ACTL6A: variants seen among roughly 807,000 people sequenced by gnomAD.
ACTL6A encodes the protein actin like 6A, also known as actin-like protein 6A.
Under a neutral mutation model 59.2 loss-of-function variants are expected in ACTL6A, and 5 were observed. That is an observed-to-expected ratio of 0.08 (90% CI 0.04 to 0.18). The LOEUF is 0.18. Among genes scored for constraint, ACTL6A ranks in the 10% least tolerant of loss-of-function variants. The probability of loss-of-function intolerance (pLI) is 1.00; values close to 1 mark genes in which losing one functional copy is unlikely to be tolerated. For missense variants in ACTL6A, 285 were observed against 526.9 expected, an observed-to-expected ratio of 0.54 and a Z score of 4.49; for synonymous variants, 154 against 171.8, an observed-to-expected ratio of 0.90 and a Z score of 0.81.
chr3:179,586,669 T>C (rs752559446), intron 13 of ACTL6A, 37 bp downstream of exon 13: 2 of 1,462,706 alleles, frequency 1.4e-6, no homozygotes, highest in South Asian at 2.5e-5. Context: ...ATATTCTTAC[T>C]GAATTATACT....
At chr3:179,583,931 A>T (rs1378164060) in intron 12 of ACTL6A, among the ~76,000 whole-genome samples, 1 of 152,246 alleles carries the variant, frequency 6.6e-6, no homozygotes, top group Non-Finnish European at 1.5e-5. Context: ...AACCATTTAC[A>T]AAAATACTAA....
In ACTL6A at chr3:179,573,280, A is replaced by G. The variant is rs576770962; in HGVS notation, c.278-89A>G. The G allele has an allele frequency of 1.2e-4, 99 of 820,192 alleles. No homozygotes were observed. In the African/African-American group the frequency reaches 1.6e-3, roughly 13 times the overall value. 50.8% of individuals were successfully genotyped at this position (820,192 alleles called of 1,614,324 possible). On this transcript the variant is annotated intron_variant, in intron 3 of 13. Coordinates refer to ENST00000429709, the MANE Select transcript of ACTL6A (RefSeq NM_004301.5). ...GTAGGTTCTGTATACTAAAGTATTA[A>G]TTGTTAAGTCATAGAAACAATTTCT...
At chr3:179,583,250 C>T (rs939396953) in intron 11 of ACTL6A, 103 bp from the exon 12 acceptor site, 36 of 886,660 alleles carry the variant, frequency 4.1e-5, no homozygotes, top group Middle Eastern at 6.9e-4. Flanking sequence ...TTCCAAAAAA[C>T]GAAAGGGAAA....
chr3:179,584,943 AAT>A (rs1250250586), intron 12 of ACTL6A, among the ~76,000 whole-genome samples: 1 of 152,210 alleles, frequency 6.6e-6, no homozygotes, highest in Non-Finnish European at 1.5e-5. Flanking sequence ...CATATAAAAT[AAT>A]GTTTTACGTG....
chr3:179,576,977 T>C, intron 8 of ACTL6A, 64 bp downstream of exon 8: 1 of 1,340,724 alleles, frequency 7.5e-7, no homozygotes, highest in Non-Finnish European at 1.0e-6. Flanking sequence ...TTAAAAAAAG[T>C]TATATATAGG....
chr3:179,563,789 C>G (rs75881057), intron 1 of ACTL6A, among the ~76,000 whole-genome samples: 3,407 of 152,232 alleles, frequency 0.022, 131 homozygotes, highest in African/African-American at 0.079. Context: ...TTTAAGGATG[C>G]CCAGAAAGTT....
rs934435790 is a variant in ACTL6A at position 179,570,660 on chromosome 3, T to A, written c.277+419T>A. Among the ~76,000 whole-genome samples the A allele has an allele frequency of 6.6e-6, 1 of 152,178 alleles. No homozygotes were observed. The highest frequency in any genetic ancestry group is 2.4e-5 in the African/African-American group (1 of 41,438). On this transcript the variant is annotated intron_variant, in intron 3 of 13. Coordinates refer to ENST00000429709, the MANE Select transcript of ACTL6A (RefSeq NM_004301.5). This position sits in a 1 kb window ranked among gnomAD's most constrained non-coding sequence, Gnocchi z 4.3. Reference sequence around the variant, plus strand: ...GCTGGGTAAAGCAAAGGGACCAGCATGTGTGAAGGGATGGAATTGTGAAAG... The same window carrying A: ...GCTGGGTAAAGCAAAGGGACCAGCAAGTGTGAAGGGATGGAATTGTGAAAG...
chr3:179,587,919 C>G lies in ACTL6A; in HGVS notation c.1210-11C>G, dbSNP rs769970505. On this transcript the variant is annotated splice_polypyrimidine_tract_variant and intron_variant, in intron 13 of 13. Transcript: ENST00000429709. ...AAGGCATAATTATATAAATTTCTTT[C>G]CATTTTACAGGGTACCTTTCAACAG... is the stretch of plus-strand genomic sequence containing the variant. 2.5e-6 allele frequency: 4 copies of G among 1,586,442 alleles called. No homozygotes were observed. The highest frequency in any genetic ancestry group is 2.6e-6 in the Non-Finnish European group (3 of 1,172,268).
intron 12 of ACTL6A, 34 bp from the exon 13 acceptor site, chr3:179,586,511 AT>A (rs766585907): frequency 1.5e-6 from 2 of 1,314,944 alleles, no homozygotes; most frequent in Admixed American, 5.4e-5. Context: ...GAGTCACAAG[AT>A]TTGATTGTAC....
chr3:179,585,828 A>G (rs1014488185), intron 12 of ACTL6A, among the ~76,000 whole-genome samples: 2 of 152,218 alleles, frequency 1.3e-5, no homozygotes, highest in Non-Finnish European at 2.9e-5. Flanking sequence ...AAATTGTGTT[A>G]TCAAGAGAAA....
intron 6 of ACTL6A, 104 bp from the exon 7 acceptor site, chr3:179,576,516 A>T: frequency 1.1e-6 from 1 of 945,180 alleles, no homozygotes; most frequent in Non-Finnish European, 1.6e-6. Flanking sequence ...AGTTCAGTTC[A>T]TTCTACCTGA....
Position 179,580,876 on chromosome 3 carries a change from G to A in ACTL6A, c.831-18G>A, listed in dbSNP as rs1200681309. On this transcript the variant is annotated intron_variant, in intron 9 of 13. Transcript: ENST00000429709. ...TTATTTTTTGTCTTTTGTGTAATAC[G>A]GTTTAATATGTTTTCAGAGTGGCTG... is the stretch of plus-strand genomic sequence containing the variant. 17 of 1,566,586 alleles carry A rather than the reference G, an allele frequency of 1.1e-5. No individual in the cohort carries two copies. Among genetic ancestry groups the A allele is most frequent in the African/African-American group, 1.4e-5 (1 of 71,928 alleles).
At position 179,583,335 on chromosome 3, in the gene ACTL6A, C is replaced by T. The variant is rs764305598; in HGVS notation, c.1027-18C>T. 2 of 1,579,522 alleles carry T rather than the reference C, an allele frequency of 1.3e-6. No individual in the cohort carries two copies. The highest frequency in any genetic ancestry group is 1.7e-6 in the Non-Finnish European group (2 of 1,153,514). On this transcript the variant is annotated intron_variant, in intron 11 of 13. Coordinates refer to ENST00000429709, the MANE Select transcript of ACTL6A (RefSeq NM_004301.5). The stretch of plus-strand genomic sequence containing the variant: ...AAACATATGGAACTAATTGATTTTT[C>T]TTGTATTTTTATCCTAGGGTCTCTA...
intron 4 of ACTL6A, 32 bp downstream of exon 4, chr3:179,573,501 C>G (rs754943945): frequency 3.7e-6 from 5 of 1,351,546 alleles, no homozygotes; most frequent in East Asian, 5.3e-5. Flanking sequence ...TCACGTTTCT[C>G]TAGTTGTTTT....
chr3:179,587,643 GCAGGAGGATCA>G (rs1164350223), intron 13 of ACTL6A, among the ~76,000 whole-genome samples: 2 of 152,084 alleles, frequency 1.3e-5, no homozygotes, highest in Non-Finnish European at 2.9e-5. Context: ...GGAGGCTGAG[GCAGGAGGATCA>G]CAGGTGCCCA....
intron 1 of ACTL6A, among the ~76,000 whole-genome samples, chr3:179,568,145 C>G (rs1401487640): frequency 6.9e-6 from 1 of 144,560 alleles, no homozygotes; most frequent in African/African-American, 2.6e-5. Context: ...GCACTCCAGC[C>G]TGGGCAGCAA....
Position 179,576,655 on chromosome 3 carries a change from AC to A in ACTL6A, c.608del (p.Thr203IlefsTer11). ...ATCCCCTCTTGCTGGAGACTTTATT[AC>A]TATGCAGTGCAGAGAACTCTTCCAA... ...VKSPLAGDFI[T>X]MQCRELFQEM... On this transcript the variant is annotated frameshift_variant, in exon 7 of 14. Transcript: ENST00000429709. LOFTEE classifies it high-confidence loss of function. 6.2e-7 allele frequency: 1 copy of A among 1,613,858 alleles called. No individual in the cohort carries two copies. Among genetic ancestry groups the A allele is most frequent in the Non-Finnish European group, 8.5e-7 (1 of 1,179,828 alleles).
At position 179,583,551 on chromosome 3, in the gene ACTL6A, T is replaced by C. The variant is rs1384959578; in HGVS notation, c.1122+103T>C. On this transcript the variant is annotated intron_variant, in intron 12 of 13. Coordinates refer to ENST00000429709, the MANE Select transcript of ACTL6A (RefSeq NM_004301.5). ...TCCATTTTTCAATAGATACATGATA[T>C]TTTGTGTGTGCCTGGTATAGTATCA... The C allele has an allele frequency of 3.6e-6, 3 of 826,736 alleles. No homozygotes were observed. The Admixed American group carries it at 6.7e-5, about 19-fold the overall frequency. The allele number at this position is 826,736 out of a possible 1,614,324, so 51.2% of individuals were successfully genotyped here. A position where few individuals can be genotyped will look rare whatever the true frequency, so the allele number is the denominator to read the frequency against.
intron 3 of ACTL6A, among the ~76,000 whole-genome samples, chr3:179,571,435 A>G (rs79804825): frequency 9.9e-6 from 1 of 100,702 alleles, no homozygotes; most frequent in East Asian, 3.9e-4. Flanking sequence ...AAAAAAACAA[A>G]AAAAAAAAAC....
Sources: gnomAD v4.1 joint callset for allele counts (sites outside exome capture counted in the v4.1 genomes callset) on GRCh38, gnomAD v4.1.1 for gene constraint, Gnocchi (gnomAD v3.1) non-coding constraint, MANE v1.5 for transcripts, NCBI Gene and HGNC (gene_info 2026-07-23, HGNC 2026-07-21) for gene names.